Variants in ARIH2 observed in about 807,000 individuals in gnomAD.
ARIH2 encodes the protein ariadne RBR E3 ubiquitin protein ligase 2.
In ARIH2, 12 loss-of-function variants were observed where a neutral mutation model predicts 79.8. That is an observed-to-expected ratio of 0.15 (90% CI 0.10 to 0.24). ARIH2 has a LOEUF of 0.24. Ranked by LOEUF, ARIH2 falls within the 10% of genes least tolerant of loss-of-function variation. ARIH2 has a pLI of 1.00. For missense variants in ARIH2, 301 were observed against 618.3 expected (o/e 0.49, Z 5.44); for synonymous variants, 224 against 213.9 (o/e 1.05, Z -0.41).
chr3:48,933,409 C>T (rs560759996), intron 3 of ARIH2, among the ~76,000 whole-genome samples: 44 of 151,798 alleles, frequency 2.9e-4, no homozygotes, highest in Admixed American at 9.8e-4. Context: ...ACAATCCACC[C>T]ACTTCAGCCT....
chr3:48,973,446 G>A (rs571043777), intron 8 of ARIH2, among the ~76,000 whole-genome samples: 7 of 151,998 alleles, frequency 4.6e-5, no homozygotes, highest in South Asian at 2.1e-4. Flanking sequence ...GCATGGTGGC[G>A]GGCACCTGTA....
Position 48,973,948 on chromosome 3 carries a change from G to A in ARIH2, c.888+132G>A, listed in dbSNP as rs2092378132. On this transcript the variant is annotated intron_variant, in intron 9 of 15. Coordinates refer to ENST00000356401, the MANE Select transcript of ARIH2 (RefSeq NM_006321.4). ...CCTTCCTGAGGACTGGGGGTTTGGG[G>A]ACCCTCACACAGAGTTGGCAGCTCG... 4 of 629,388 alleles carry A rather than the reference G, an allele frequency of 6.4e-6. No homozygotes were observed. The South Asian group carries it at 7.1e-5, about 11-fold the overall frequency. The allele number at this position is 629,388 out of a possible 1,614,324, so 39.0% of individuals were successfully genotyped here.
At chr3:48,928,012 C>A in intron 3 of ARIH2, 199 bp downstream of exon 3, 1 of 621,828 alleles carries the variant, frequency 1.6e-6, no homozygotes, top group Non-Finnish European at 2.7e-6. Context: ...CCTCAGATTC[C>A]CAAATTAGTA....
intron 1 of ARIH2, 51 bp downstream of exon 1, chr3:48,919,049 G>A: frequency 7.5e-7 from 1 of 1,330,244 alleles, no homozygotes; most frequent in Admixed American, 3.7e-5. Flanking sequence ...TGGCCGCTGG[G>A]GGGGCCTCTC....
At chr3:48,949,871 A>G (rs956638116) in intron 3 of ARIH2, among the ~76,000 whole-genome samples, 6 of 146,826 alleles carry the variant, frequency 4.1e-5, no homozygotes, top group Admixed American at 1.4e-4. Flanking sequence ...CTACTTTTCC[A>G]TTTTCTAAAT....
Position 48,971,331 on chromosome 3 carries a change from G to A in ARIH2, c.770+627G>A, listed in dbSNP as rs533891109. ...ACATACTTGGCTCACCACAACCTCC[G>A]CCTTCCAGGTTCAAGTGATTCTCCT... On this transcript the variant is annotated intron_variant, in intron 8 of 15. Coordinates refer to ENST00000356401, the MANE Select transcript of ARIH2 (RefSeq NM_006321.4). 2.9e-3 allele frequency among the ~76,000 whole-genome samples: 436 copies of A among 152,266 alleles called. 4 individuals carry two copies. Among genetic ancestry groups the A allele is most frequent in the African/African-American group, 1.0e-2 (414 of 41,554 alleles).
At chr3:48,938,276 C>G (rs1375385900) in intron 3 of ARIH2, among the ~76,000 whole-genome samples, 1 of 152,166 alleles carries the variant, frequency 6.6e-6, no homozygotes, top group Non-Finnish European at 1.5e-5. Context: ...GTTGGCTGCA[C>G]ATGCCTTTGC....
chr3:48,965,250 C>G (rs1038889707), intron 5 of ARIH2, among the ~76,000 whole-genome samples: 1 of 151,820 alleles, frequency 6.6e-6, no homozygotes, highest in Non-Finnish European at 1.5e-5. Context: ...GTCCCAGCTA[C>G]TCGGGAGGCT....
At chr3:48,922,248 C>G (rs1417190363) in intron 1 of ARIH2, 1 of 151,816 alleles carries the variant, frequency 6.6e-6, no homozygotes, top group East Asian at 1.9e-4. Flanking sequence ...AAGAAGTGGT[C>G]TTTCAAACTG....
intron 3 of ARIH2, among the ~76,000 whole-genome samples, chr3:48,950,458 A>T (rs965471596): frequency 6.6e-6 from 1 of 152,216 alleles, no homozygotes; most frequent in African/African-American, 2.4e-5. Flanking sequence ...TTGAAGTCAG[A>T]TGGTGTAAGT....
At chr3:48,950,723 C>T (rs1045252632) in intron 3 of ARIH2, among the ~76,000 whole-genome samples, 2 of 152,058 alleles carry the variant, frequency 1.3e-5, no homozygotes, top group Non-Finnish European at 2.9e-5. Flanking sequence ...AAAATACAGA[C>T]TGGACTTAGA....
intron 8 of ARIH2, 106 bp from the exon 9 acceptor site, chr3:48,973,589 AAAAG>A (rs2092359572): frequency 5.2e-6 from 4 of 774,662 alleles, no homozygotes; most frequent in Admixed American, 5.2e-5. Context: ...AAAAAAAAAA[AAAAG>A]AAAAAAGCTC....
At position 48,965,107 on chromosome 3, in the gene ARIH2, C is replaced by T. The variant is rs148726963; in HGVS notation, c.387+125C>T. 16 of 769,244 alleles carry T rather than the reference C, an allele frequency of 2.1e-5. No individual in the cohort carries two copies. The African/African-American group carries it at 2.7e-4, about 13-fold the overall frequency. 47.7% of individuals were successfully genotyped at this position (769,244 alleles called of 1,614,324 possible). On this transcript the variant is annotated intron_variant, in intron 5 of 15. Transcript: ENST00000356401. ...GTGTGGCTCACGCCTGTAATCCCAG[C>T]ACTTTGGGAGGCTGAGGCGGGTGGA...
chr3:48,919,648 T>G (rs887376569), intron 1 of ARIH2, among the ~76,000 whole-genome samples: 1 of 152,242 alleles, frequency 6.6e-6, no homozygotes, highest in African/African-American at 2.4e-5. Flanking sequence ...TGTAGGCTAG[T>G]GCACCTGAGA....
Position 48,919,189 on chromosome 3 carries a change from C to T in ARIH2, c.-162+191C>T, listed in dbSNP as rs376732059. Reference sequence around the variant, plus strand: ...GGCCGGGCGCCCAGCGTGTGTCTGCCTTTTTTCCTCCCGCCGCCTTCTCAG... The same window carrying T: ...GGCCGGGCGCCCAGCGTGTGTCTGCTTTTTTTCCTCCCGCCGCCTTCTCAG... On this transcript the variant is annotated intron_variant, in intron 1 of 15. Coordinates refer to ENST00000356401, the MANE Select transcript of ARIH2 (RefSeq NM_006321.4). 1,782 of 1,295,172 alleles carry T rather than the reference C, an allele frequency of 1.4e-3. 59 individuals are homozygous for T. The East Asian group carries it at 0.05, about 36-fold the overall frequency. 80.2% of individuals were successfully genotyped at this position (1,295,172 alleles called of 1,614,324 possible). A position where few individuals can be genotyped will look rare whatever the true frequency, so the allele number is the denominator to read the frequency against.
intron 3 of ARIH2, chr3:48,934,666 G>T: frequency 1.0e-6 from 1 of 985,414 alleles, no homozygotes; most frequent in Non-Finnish European, 1.2e-6. Context: ...AGAAGTCTGA[G>T]GTGTGTTTAC....
At chr3:48,942,645 ATT>A (rs745532484) in intron 3 of ARIH2, among the ~76,000 whole-genome samples, 14 of 104,740 alleles carry the variant, frequency 1.3e-4, no homozygotes, top group African/African-American at 2.6e-4. Context: ...TGCCCGGCTA[ATT>A]TTTTTTTTTT....
chr3:48,978,753 G>A (rs951183437), intron 11 of ARIH2, among the ~76,000 whole-genome samples: 3 of 151,552 alleles, frequency 2.0e-5, no homozygotes, highest in Admixed American at 6.6e-5. Context: ...GAACACTGGG[G>A]GTTCTCGAGA....
At chr3:48,963,343 G>A (rs191256173) in intron 4 of ARIH2, among the ~76,000 whole-genome samples, 7 of 152,316 alleles carry the variant, frequency 4.6e-5, no homozygotes, top group Admixed American at 4.6e-4. Flanking sequence ...CAGGAGTGGA[G>A]ATTTGGATGG....
Sources: allele counts gnomAD v4.1 joint callset (sites outside exome capture counted in the v4.1 genomes callset), GRCh38; gene constraint gnomAD v4.1.1; transcripts MANE v1.5; gene names NCBI Gene and HGNC (gene_info 2026-07-23, HGNC 2026-07-21).